Variants in IL21R observed in about 807,000 individuals in gnomAD.
IL21R encodes the protein interleukin-21 receptor.
Under a neutral mutation model 41.3 loss-of-function variants are expected in IL21R, and 14 were observed. The observed-to-expected ratio is 0.34, with a 90% CI of 0.22 to 0.53. The LOEUF (loss-of-function observed/expected upper bound fraction) is 0.53. Among genes scored for constraint, IL21R ranks in the 20% least tolerant of loss-of-function variants. The probability of loss-of-function intolerance (pLI) is 0.94; values close to 1 mark genes in which losing one functional copy is unlikely to be tolerated. For synonymous variants in IL21R, 286 were observed against 287.6 expected (o/e 0.99, Z 0.05); for missense variants, 588 against 681.6 (o/e 0.86, Z 1.53).
chr16:27,402,893 C>T (rs1453079209), intron 1 of IL21R, among the ~76,000 whole-genome samples: 2 of 152,144 alleles, frequency 1.3e-5, no homozygotes, highest in African/African-American at 4.8e-5. Flanking sequence ...ATGTAGCGGG[C>T]TGGGGAAGGA....
chr16:27,408,775 A>T (rs2086784988), intron 1 of IL21R, among the ~76,000 whole-genome samples: 1 of 152,038 alleles, frequency 6.6e-6, no homozygotes, highest in Admixed American at 6.5e-5. Flanking sequence ...CTTTTACCAC[A>T]CTACCCACCT....
intron 1 of IL21R, among the ~76,000 whole-genome samples, chr16:27,427,524 T>C (rs2087099637): frequency 6.6e-6 from 1 of 152,158 alleles, no homozygotes; most frequent in Admixed American, 6.5e-5. Flanking sequence ...GTCTCCCGAA[T>C]AGCTGGGACC....
Position 27,443,123 on chromosome 16 carries a change from A to G in IL21R, c.507+7A>G, listed in dbSNP as rs1222712227. Reference sequence around the variant, plus strand: ...GGGAGACCCCTGGGCTGTGGTGAGGAATGTGGGGATCAGTGCAGCTTTGTG... The same window carrying G: ...GGGAGACCCCTGGGCTGTGGTGAGGGATGTGGGGATCAGTGCAGCTTTGTG... On this transcript the variant is annotated splice_region_variant and intron_variant, in intron 5 of 8. Coordinates refer to ENST00000337929, the MANE Select transcript of IL21R (RefSeq NM_181078.3). The G allele has an allele frequency of 6.2e-7, 1 of 1,606,678 alleles. No individual in the cohort carries two copies. Among genetic ancestry groups the G allele is most frequent in the Non-Finnish European group, 8.5e-7 (1 of 1,176,434 alleles).
intron 3 of IL21R, among the ~76,000 whole-genome samples, chr16:27,435,854 C>T (rs935025442): frequency 6.6e-6 from 1 of 152,026 alleles, no homozygotes; most frequent in South Asian, 2.1e-4. Context: ...CTGCAACCTC[C>T]ACCTCCTGGG....
intron 1 of IL21R, among the ~76,000 whole-genome samples, chr16:27,426,734 G>T (rs2087084349): frequency 3.9e-5 from 6 of 152,218 alleles, no homozygotes; most frequent in Admixed American, 3.9e-4. Flanking sequence ...TTCAGAGATG[G>T]TAACTGAGTT....
chr16:27,419,892 T>C (rs1225121501), intron 1 of IL21R, among the ~76,000 whole-genome samples: 9 of 146,564 alleles, frequency 6.1e-5, no homozygotes, highest in Admixed American at 5.4e-4. Context: ...TATGCTATCT[T>C]TTTTTTTTTT....
chr16:27,418,185 T>A (rs983711993), intron 1 of IL21R, among the ~76,000 whole-genome samples: 3 of 151,414 alleles, frequency 2.0e-5, no homozygotes, highest in Non-Finnish European at 4.4e-5. Context: ...TTCTCCTGCC[T>A]CAGCCTCCCA....
At chr16:27,420,746 A>G (rs748579962) in intron 1 of IL21R, among the ~76,000 whole-genome samples, 41 of 152,190 alleles carry the variant, frequency 2.7e-4, no homozygotes, top group Admixed American at 8.5e-4. Flanking sequence ...TTTTTTTCCC[A>G]TGCTGTATGT....
At chr16:27,414,570 C>CAA (rs2086870046) in intron 1 of IL21R, among the ~76,000 whole-genome samples, 2 of 144,602 alleles carry the variant, frequency 1.4e-5, no homozygotes, top group African/African-American at 5.2e-5. Flanking sequence ...AATGAAAGCA[C>CAA]TGATGTGTCT....
chr16:27,434,145 T>C (rs1177131042), intron 2 of IL21R, among the ~76,000 whole-genome samples: 5 of 150,160 alleles, frequency 3.3e-5, no homozygotes, highest in Middle Eastern at 3.4e-3. Flanking sequence ...CCTTGAAACA[T>C]TGGTGCTCAA....
intron 5 of IL21R, among the ~76,000 whole-genome samples, chr16:27,444,306 T>C (rs1004761328): frequency 6.6e-6 from 1 of 151,936 alleles, no homozygotes; most frequent in Non-Finnish European, 1.5e-5. Flanking sequence ...AGTGGCTGAA[T>C]TGGATCAAAG....
intron 4 of IL21R, among the ~76,000 whole-genome samples, chr16:27,438,720 A>G (rs1277845654): frequency 1.3e-5 from 2 of 151,388 alleles, no homozygotes; most frequent in Non-Finnish European, 2.9e-5. Flanking sequence ...ATACAAAAAA[A>G]TTTGCCGGGC....
At chr16:27,420,283 C>A (rs1053163440) in intron 1 of IL21R, among the ~76,000 whole-genome samples, 1 of 152,204 alleles carries the variant, frequency 6.6e-6, no homozygotes, top group Non-Finnish European at 1.5e-5. Context: ...TGTGTCATGA[C>A]GTCACTAGAC....
intron 1 of IL21R, among the ~76,000 whole-genome samples, chr16:27,426,662 C>G (rs1284194726): frequency 6.6e-6 from 1 of 152,250 alleles, no homozygotes; most frequent in Non-Finnish European, 1.5e-5. Context: ...GAAGCACTAC[C>G]ACATCTGCTT....
At position 27,434,419 on chromosome 16, in the gene IL21R, A is replaced by G; in HGVS notation, c.122A>G (p.Asn41Ser). The G allele has an allele frequency of 6.2e-7, 1 of 1,613,358 alleles. No homozygotes were observed. Among genetic ancestry groups the G allele is most frequent in the African/African-American group, 1.3e-5 (1 of 74,902 alleles). ...QTVICILEMWNLHPSTLTLTW... is the reference protein window; with the variant it reads ...QTVICILEMWSLHPSTLTLTW... The stretch of plus-strand genomic sequence containing the variant: ...GTCATCTGCATCCTGGAAATGTGGA[A>G]CCTCCACCCCAGCACGCTCACCCTT... Residue 41 changes from asparagine (N) to serine (S), a missense_variant, in exon 3 of 9, where the codon AAC (asparagine) becomes AGC (serine). Coordinates refer to ENST00000337929, the MANE Select transcript of IL21R (RefSeq NM_181078.3).
chr16:27,417,757 G>T (rs1449399843), intron 1 of IL21R, among the ~76,000 whole-genome samples: 3 of 152,068 alleles, frequency 2.0e-5, no homozygotes, highest in African/African-American at 7.2e-5. Flanking sequence ...ACATAGAAAA[G>T]GTACAGTGAA....
Position 27,433,042 on chromosome 16 carries a change from A to G in IL21R, c.50-1305A>G, listed in dbSNP as rs3093397. ...TGAACTAAAGGATATTTCCAGACACAGTATTCTTGGCTCCGCATATAGGTT... is the reference window on the plus strand; with the variant it reads ...TGAACTAAAGGATATTTCCAGACACGGTATTCTTGGCTCCGCATATAGGTT... On this transcript the variant is annotated intron_variant, in intron 2 of 8. Transcript: ENST00000337929. 5.7e-3 allele frequency among the ~76,000 whole-genome samples: 862 copies of G among 152,340 alleles called. 3 individuals carry two copies. The highest frequency in any genetic ancestry group is 9.4e-3 in the Non-Finnish European group (638 of 68,034).
At chr16:27,430,572 T>C (rs1021109470) in intron 2 of IL21R, among the ~76,000 whole-genome samples, 5 of 152,106 alleles carry the variant, frequency 3.3e-5, no homozygotes, top group African/African-American at 1.2e-4. Context: ...TCCCAGCCCT[T>C]TGGGAGGCTG....
intron 4 of IL21R, among the ~76,000 whole-genome samples, chr16:27,440,683 C>T (rs374619796): frequency 1.3e-5 from 2 of 152,276 alleles, no homozygotes; most frequent in Middle Eastern, 3.4e-3. Flanking sequence ...GAGCTAAGAG[C>T]CCAGTGAGGG....
Sources: gnomAD v4.1 joint callset for allele counts (sites outside exome capture counted in the v4.1 genomes callset) on GRCh38, gnomAD v4.1.1 for gene constraint, MANE v1.5 for transcripts, NCBI Gene and HGNC (gene_info 2026-07-23, HGNC 2026-07-21) for gene names.